The following DNAI7 variants were observed in gnomAD, a reference collection of about 807,000 sequenced individuals.
The protein encoded by DNAI7 is cancer susceptibility 1.
A neutral mutation model predicts 86.6 loss-of-function variants in DNAI7; 78 were observed. That is an observed-to-expected ratio of 0.90 (90% CI 0.75 to 1.09). The LOEUF (loss-of-function observed/expected upper bound fraction) is 1.09, where lower values mean the gene tolerates loss of function less well. Among genes scored for constraint, DNAI7 ranks in the 50% least tolerant of loss-of-function variants. DNAI7 has a pLI of 0.00. For missense variants in DNAI7, 753 were observed against 810.2 expected (o/e 0.93, Z 0.86); for synonymous variants, 274 against 273.0 (o/e 1.00, Z -0.04).
chr12:25,121,902 G>T lies in DNAI7; in HGVS notation c.1090C>A (p.Leu364Met). 2 of 1,580,546 alleles carry T rather than the reference G, an allele frequency of 1.3e-6. No individual in the cohort carries two copies. Among genetic ancestry groups the T allele is most frequent in the African/African-American group, 1.4e-5 (1 of 72,756 alleles). Residue 364 changes from leucine to methionine, a missense_variant, in exon 11 of 16, where the codon CTG (leucine) becomes ATG (methionine). Physicochemically the swap from Leu to Met is conservative, Grantham distance 15. Coordinates refer to ENST00000395987, the MANE Select transcript of DNAI7 (RefSeq NM_018272.5). ...GGCTTTTCAGAAGAATTCTCTACCA[G>T]CAACAACTGTGCTAAAATTAATCAG... ...SETVSAAQLL[L>M]VENSSEKPDF...
At chr12:25,116,084 C>CA (rs1555153391) in intron 12 of DNAI7, among the ~76,000 whole-genome samples, 1 of 138,108 alleles carries the variant, frequency 7.2e-6, no homozygotes, top group East Asian at 2.1e-4. Flanking sequence ...GTATTTCTTT[C>CA]TTTTTTTTTT....
At chr12:25,185,339 C>T (rs543338251) in intron 2 of DNAI7, among the ~76,000 whole-genome samples, 27 of 152,014 alleles carry the variant, frequency 1.8e-4, no homozygotes, top group African/African-American at 5.8e-4. Flanking sequence ...ATGGCAGTCC[C>T]AAAAATCTTA....
At chr12:25,142,794 T>G (rs1481757828) in intron 9 of DNAI7, among the ~76,000 whole-genome samples, 9 of 152,228 alleles carry the variant, frequency 5.9e-5, no homozygotes, top group South Asian at 2.1e-4. Flanking sequence ...TGAAACAATG[T>G]TAAGTCCAAG....
intron 2 of DNAI7, among the ~76,000 whole-genome samples, chr12:25,181,787 TA>T (rs1949525403): frequency 6.6e-6 from 1 of 152,048 alleles, no homozygotes; most frequent in Admixed American, 6.5e-5. Flanking sequence ...TCAAGATCAC[TA>T]ATCAGATAAA....
intron 9 of DNAI7, among the ~76,000 whole-genome samples, chr12:25,126,501 G>T (rs566221931): frequency 1.1e-4 from 17 of 151,722 alleles, no homozygotes; most frequent in Non-Finnish European, 2.4e-4. Flanking sequence ...GAGATGATAA[G>T]GAATTAAAAG....
intron 8 of DNAI7, among the ~76,000 whole-genome samples, chr12:25,146,273 T>TA (rs35853537): frequency 1.5e-4 from 22 of 147,286 alleles, no homozygotes; most frequent in African/African-American, 5.5e-4. Context: ...AAAGATACAT[T>TA]AAAAAAAAAA....
At chr12:25,151,404 C>T (rs1945525283) in intron 6 of DNAI7, among the ~76,000 whole-genome samples, 1 of 152,218 alleles carries the variant, frequency 6.6e-6, no homozygotes, top group African/African-American at 2.4e-5. Flanking sequence ...TCCAACTCCA[C>T]TTTTCTGCAG....
chr12:25,123,656 C>T (rs1941661295), intron 9 of DNAI7, among the ~76,000 whole-genome samples: 1 of 152,070 alleles, frequency 6.6e-6, no homozygotes, highest in Admixed American at 6.6e-5. Context: ...AGAGTCATCC[C>T]AAAGCCTGCT....
chr12:25,112,628 G>A (rs7963231), intron 13 of DNAI7, among the ~76,000 whole-genome samples: 2,292 of 151,856 alleles, frequency 0.015, 55 homozygotes, highest in African/African-American at 0.053. Flanking sequence ...GGATGGTCTC[G>A]ATCTCCTGAC....
At position 25,119,753 on chromosome 12, in the gene DNAI7, G is replaced by A. The variant is rs1442659549; in HGVS notation, c.1240-452C>T. On this transcript the variant is annotated intron_variant, in intron 11 of 15. Transcript: ENST00000395987. ...AAAAGAAACATATAGACAACCTATT[G>A]AGAAGAAAGGAAATGAATGAATGAA... is the stretch of plus-strand genomic sequence containing the variant. Among the ~76,000 whole-genome samples, 6 of 152,174 alleles carry A rather than the reference G, an allele frequency of 3.9e-5. No homozygotes were observed. The South Asian group carries it at 1.2e-3, about 32-fold the overall frequency.
At chr12:25,185,671 G>A in intron 2 of DNAI7, 1 of 465,872 alleles carries the variant, frequency 2.1e-6, no homozygotes, top group Non-Finnish European at 2.8e-6. Context: ...TTTAAAAGAT[G>A]CAATTTTAAT....
At position 25,108,839 on chromosome 12, in the gene DNAI7, A is replaced by AAAAAAAAAAAAAAAAAAAAAAAAAAAAAG; in HGVS notation, c.1894-17_1894-16insCTTTTTTTTTTTTTTTTTTTTTTTTTTTT. On this transcript the variant is annotated splice_polypyrimidine_tract_variant and intron_variant, in intron 15 of 15. Transcript: ENST00000395987. ...GTTCCCTCACCTAAAAAAAAAAAAA[A>AAAAAAAAAAAAAAAAAAAAAAAAAAAAAG]TTCAAGCAAGTTGTTAATAATTCCT... 1.8e-6 allele frequency: 2 copies of AAAAAAAAAAAAAAAAAAAAAAAAAAAAAG among 1,112,048 alleles called. No homozygotes were observed. Among genetic ancestry groups the AAAAAAAAAAAAAAAAAAAAAAAAAAAAAG allele is most frequent in the Non-Finnish European group, 2.5e-6 (2 of 814,768 alleles). The allele number at this position is 1,112,048 out of a possible 1,614,324, so 68.9% of individuals were successfully genotyped here.
intron 9 of DNAI7, among the ~76,000 whole-genome samples, chr12:25,136,479 T>C (rs1943568983): frequency 6.6e-6 from 1 of 152,106 alleles, no homozygotes; most frequent in Non-Finnish European, 1.5e-5. Context: ...AAAACAATTC[T>C]GGTAATATGA....
chr12:25,147,104 G>T lies in DNAI7; in HGVS notation c.586C>A (p.Gln196Lys), dbSNP rs1460787821. ...FGVATEILLK[Q>K]ASTLADLDSG... ...TCCAGATCTGCCAAAGTACTAGCTT[G>T]CTGTAAGAGAAAAAGAAAACATTAT... Residue 196 changes from glutamine to lysine, a missense_variant and splice_region_variant, in exon 8 of 16, where the codon CAA (glutamine) becomes AAA (lysine). By Grantham distance (53) the Gln-to-Lys change is moderately conservative. Coordinates refer to ENST00000395987, the MANE Select transcript of DNAI7 (RefSeq NM_018272.5). The T allele has an allele frequency of 1.3e-6, 2 of 1,525,554 alleles. No individual in the cohort carries two copies. Among genetic ancestry groups the T allele is most frequent in the Non-Finnish European group, 1.8e-6 (2 of 1,103,324 alleles). 94.5% of individuals were successfully genotyped at this position (1,525,554 alleles called of 1,614,324 possible). A position where few individuals can be genotyped will look rare whatever the true frequency, so the allele number is the denominator to read the frequency against.
chr12:25,150,092 T>C (rs1031867861), intron 6 of DNAI7, among the ~76,000 whole-genome samples: 5 of 152,162 alleles, frequency 3.3e-5, no homozygotes, highest in Admixed American at 2.6e-4. Context: ...GTAGATGCAA[T>C]GATCACTTAG....
At chr12:25,107,165 T>TA, downstream of DNAI7, 1 of 469,850 alleles carries the variant, frequency 2.1e-6, no homozygotes, top group Non-Finnish European at 3.8e-6. Context: ...TTGTTGTATT[T>TA]AAGATGAATA....
At chr12:25,128,459 C>G (rs1942437016) in intron 9 of DNAI7, among the ~76,000 whole-genome samples, 1 of 152,124 alleles carries the variant, frequency 6.6e-6, no homozygotes, top group Non-Finnish European at 1.5e-5. Flanking sequence ...CACATTGTAC[C>G]GCTTGATTCC....
chr12:25,173,818 C>T (rs1175353914), intron 2 of DNAI7, among the ~76,000 whole-genome samples: 1 of 147,046 alleles, frequency 6.8e-6, no homozygotes, highest in Non-Finnish European at 1.5e-5. Context: ...CATATATATA[C>T]ATCATATATA....
chr12:25,111,898 C>T lies in DNAI7; in HGVS notation c.1653G>A (p.Lys551=). Residue 551 remains lysine, a synonymous_variant, in exon 14 of 16, where the codon AAG becomes AAA. Transcript: ENST00000395987. ...CMLSSIKLKD[K]KHISILEGTW... is the part of the protein sequence containing the mutation. ...TTCCTTCCAAAATAGAGATGTGTTT[C>T]TTGTCTTTTAGTTTGATTGAAGATA... The T allele has an allele frequency of 1.2e-6, 2 of 1,602,076 alleles. No homozygotes were observed. The highest frequency in any genetic ancestry group is 2.7e-5 in the African/African-American group (2 of 74,446).
Sources: gnomAD v4.1 joint callset for allele counts (sites outside exome capture counted in the v4.1 genomes callset) on GRCh38, gnomAD v4.1.1 for gene constraint, MANE v1.5 for transcripts, NCBI Gene and HGNC (gene_info 2026-07-23, HGNC 2026-07-21) for gene names.